NCSTN: variants seen among roughly 807,000 people sequenced by gnomAD.
The protein encoded by NCSTN is anterior pharynx-defective 2.
In NCSTN, 22 loss-of-function variants were observed where a neutral mutation model predicts 87.0. That is an observed-to-expected ratio of 0.25 (90% CI 0.18 to 0.36). The LOEUF is 0.36. Among genes scored for constraint, NCSTN ranks in the 10% least tolerant of loss-of-function variants. NCSTN has a pLI of 1.00. For missense variants in NCSTN, 693 were observed against 883.3 expected, an observed-to-expected ratio of 0.78 and a Z score of 2.73; for synonymous variants, 306 against 327.1, an observed-to-expected ratio of 0.94 and a Z score of 0.69.
In NCSTN at chr1:160,352,114, T is replaced by C; in HGVS notation, c.904T>C (p.Phe302Leu). Residue 302 changes from phenylalanine (F) to leucine (L), a missense_variant, in exon 8 of 17, where the codon TTT (phenylalanine) becomes CTT (leucine). Transcript: ENST00000294785. ...AGGGGCTGAAAGCGCAGTGGCTTCC[T>C]TTGTCACCCAGCTGGCTGCTGCTGA... ...APGAESAVAS[F>L]VTQLAAAEAL... is the part of the protein sequence containing the mutation. 1.9e-6 allele frequency: 3 copies of C among 1,614,232 alleles called. No homozygotes were observed. Among genetic ancestry groups the C allele is most frequent in the Non-Finnish European group, 2.5e-6 (3 of 1,180,028 alleles).
chr1:160,358,060 C>G (rs1649224121), intron 16 of NCSTN, 89 bp from the exon 17 acceptor site: 1 of 1,571,504 alleles, frequency 6.4e-7, no homozygotes, highest in Admixed American at 1.7e-5. Flanking sequence ...TCCGAATTCC[C>G]ATGGCTCCAA....
chr1:160,353,315 AC>A (rs1195224381), intron 10 of NCSTN, 78 bp downstream of exon 10: 1 of 1,606,650 alleles, frequency 6.2e-7, no homozygotes, highest in African/African-American at 1.3e-5. Flanking sequence ...GTTTCCACCA[AC>A]CCCCAGGGCC....
In NCSTN at chr1:160,349,560, A is replaced by G. The variant is rs764815593; in HGVS notation, c.326A>G (p.Glu109Gly). The change falls in exon 4 of 17, where the codon GAG becomes GGG. Residue 109 changes from glutamate (E) to glycine (G), a missense_variant. This residue lies in a region of NCSTN where 235 missense variants were observed against 233.9 expected (regional missense o/e 1.00). Transcript: ENST00000294785. ...ESKHFTRDLM[E>G]KLKGRTSRIA... ...CTTTCCTATTCCAGGGATTTAATGG[A>G]GAAGCTGAAAGGGAGAACCAGCCGA... 5.0e-6 allele frequency: 8 copies of G among 1,614,000 alleles called. No homozygotes were observed. Among genetic ancestry groups the G allele is most frequent in the Non-Finnish European group, 5.9e-6 (7 of 1,180,030 alleles).
chr1:160,350,294 A>G (rs781073176), intron 5 of NCSTN, 44 bp downstream of exon 5: 1 of 1,608,142 alleles, frequency 6.2e-7, no homozygotes, highest in African/African-American at 1.3e-5. Flanking sequence ...TAGAAAGAAG[A>G]TTATTTTTCT....
chr1:160,352,862 C>T, intron 8 of NCSTN, 25 bp from the exon 9 acceptor site: 1 of 1,581,786 alleles, frequency 6.3e-7, no homozygotes, highest in East Asian at 2.2e-5. Context: ...CTCTGTTCCC[C>T]CTCCCACCTA....
At chr1:160,348,970 C>T (rs1557884061) in intron 2 of NCSTN, 29 bp from the exon 3 acceptor site, 1 of 1,614,070 alleles carries the variant, frequency 6.2e-7, no homozygotes, top group Non-Finnish European at 8.5e-7. Flanking sequence ...ACTATGGGAG[C>T]TTTAATTTGA....
At chr1:160,356,048 C>A in intron 13 of NCSTN, 90 bp downstream of exon 13, 1 of 1,276,656 alleles carries the variant, frequency 7.8e-7, no homozygotes, top group Non-Finnish European at 1.1e-6. Flanking sequence ...CCTTGGAATT[C>A]CACATGACTG....
chr1:160,352,156 C>G lies in NCSTN; in HGVS notation c.946C>G (p.Pro316Ala), dbSNP rs772899960. Residue 316 changes from proline (P) to alanine (A), a missense_variant, in exon 8 of 17, where the codon CCT (proline) becomes GCT (alanine). Physicochemically the swap from Pro to Ala is conservative, Grantham distance 27. Coordinates refer to ENST00000294785, the MANE Select transcript of NCSTN (RefSeq NM_015331.3). Reference protein sequence around the residue: ...LAAAEALQKAPDVTTLPRNVM... With the variant: ...LAAAEALQKAADVTTLPRNVM... ...TGCTGCTGAAGCTTTGCAAAAGGCA[C>G]CTGATGTGACCACCCTGCCCCGCAA... The G allele has an allele frequency of 6.2e-7, 1 of 1,614,206 alleles. No homozygotes were observed. Among genetic ancestry groups the G allele is most frequent in the East Asian group, 2.2e-5 (1 of 44,888 alleles).
Position 160,349,021 on chromosome 1 carries a change from G to C in NCSTN, c.213G>C (p.Gly71=). Residue 71 remains glycine, a synonymous_variant, in exon 3 of 17, where the codon GGG becomes GGC. Coordinates refer to ENST00000294785, the MANE Select transcript of NCSTN (RefSeq NM_015331.3). ...GCQSSISGDT[G]VIHVVEKEED... is the part of the protein sequence containing the mutation. ...CAGCTTCAATTAGTGGAGACACAGG[G>C]GTTATCCACGTAGTAGAGAAAGAGG... is the stretch of plus-strand genomic sequence containing the variant. The C allele has an allele frequency of 6.2e-7, 1 of 1,614,190 alleles. No homozygotes were observed.
intron 8 of NCSTN, among the ~76,000 whole-genome samples, chr1:160,352,602 A>C (rs1278269541): frequency 6.6e-6 from 1 of 152,152 alleles, no homozygotes; most frequent in Non-Finnish European, 1.5e-5. Context: ...GAGGTGGGGG[A>C]CCGTTAAGAA....
chr1:160,356,493 G>A, intron 14 of NCSTN, 107 bp from the exon 15 acceptor site: 1 of 1,484,246 alleles, frequency 6.7e-7, no homozygotes, highest in Non-Finnish European at 9.4e-7. Context: ...ATATTTGATG[G>A]ATCCTTTTCC....
chr1:160,343,396 G>A lies in NCSTN; in HGVS notation c.-1G>A. 1 of 1,613,182 alleles carries A rather than the reference G, an allele frequency of 6.2e-7. No homozygotes were observed. The highest frequency in any genetic ancestry group is 8.5e-7 in the Non-Finnish European group (1 of 1,179,756). ...GGGCTTCCGCTCAGCAGAGAGGCAAGATGGCTACGGCAGGGGGTGGCTCTG... is the reference window on the plus strand; with the variant it reads ...GGGCTTCCGCTCAGCAGAGAGGCAAAATGGCTACGGCAGGGGGTGGCTCTG... On this transcript the variant is annotated 5_prime_UTR_variant, in exon 1 of 17. Transcript: ENST00000294785.
Position 160,358,397 on chromosome 1 carries a change from A to G in NCSTN, c.*126A>G. 7.8e-7 allele frequency: 1 copy of G among 1,279,088 alleles called. No individual in the cohort carries two copies. The highest frequency in any genetic ancestry group is 1.1e-6 in the Non-Finnish European group (1 of 894,468). The allele number at this position is 1,279,088 out of a possible 1,614,324, so 79.2% of individuals were successfully genotyped here. A position where few individuals can be genotyped will look rare whatever the true frequency, so the allele number is the denominator to read the frequency against. On this transcript the variant is annotated 3_prime_UTR_variant, in exon 17 of 17. Transcript: ENST00000294785. Reference sequence around the variant, plus strand: ...CTGTCTCAGATTGGGATTAACATAAAAGAGTGGAACTATCCAAAAGAGACA... The same window carrying G: ...CTGTCTCAGATTGGGATTAACATAAGAGAGTGGAACTATCCAAAAGAGACA...
chr1:160,343,530 A>G (rs770813563), intron 1 of NCSTN, 49 bp downstream of exon 1: 1 of 1,529,626 alleles, frequency 6.5e-7, no homozygotes, highest in South Asian at 1.2e-5. Context: ...GAACTCTCGG[A>G]TCGGCCCCGC....
rs2101910593 is a variant in NCSTN at position 160,357,091 on chromosome 1, C to T, written c.1845C>T (p.Asp615=). 1 of 1,614,046 alleles carries T rather than the reference C, an allele frequency of 6.2e-7. No individual in the cohort carries two copies. The highest frequency in any genetic ancestry group is 8.5e-7 in the Non-Finnish European group (1 of 1,179,988). The change falls in exon 16 of 17, where the codon GAC becomes GAT. Residue 615 remains aspartate (D), a synonymous_variant. Transcript: ENST00000294785. ...GCCCTTTGCATTCTAATGAGACGGA[C>T]CGACTCCCCCGGTGTGTGCGTTCTA... ...VQGPLHSNET[D]RLPRCVRSTA...
chr1:160,349,920 G>C (rs1340717772), intron 4 of NCSTN, among the ~76,000 whole-genome samples, 185 bp from the exon 5 acceptor site: 1 of 152,102 alleles, frequency 6.6e-6, no homozygotes, highest in African/African-American at 2.4e-5. Context: ...TACAGCCTAA[G>C]ACTCCCTGAT....
At position 160,355,965 on chromosome 1, in the gene NCSTN, A is replaced by G; in HGVS notation, c.1551+7A>G. 1 of 1,606,746 alleles carries G rather than the reference A, an allele frequency of 6.2e-7. No homozygotes were observed. The highest frequency in any genetic ancestry group is 8.5e-7 in the Non-Finnish European group (1 of 1,173,542). ...TCAGGCTGATCCCCAAACGGTAAGC[A>G]GATGGGCCCTAGCTCCTTCTTTCTA... On this transcript the variant is annotated splice_region_variant and intron_variant, in intron 13 of 16. Transcript: ENST00000294785.
At chr1:160,351,939 C>T in intron 7 of NCSTN, 115 bp from the exon 8 acceptor site, 1 of 1,498,262 alleles carries the variant, frequency 6.7e-7, no homozygotes. Context: ...CTGTGGGACT[C>T]CTGGGTTGTC....
intron 2 of NCSTN, among the ~76,000 whole-genome samples, chr1:160,347,467 T>A (rs1648560881): frequency 6.6e-6 from 1 of 152,168 alleles, no homozygotes; most frequent in South Asian, 2.1e-4. Context: ...TGAATAGAGG[T>A]AGAAAACCTC....
Sources: gnomAD v4.1 joint callset for allele counts (sites outside exome capture counted in the v4.1 genomes callset) on GRCh38, gnomAD v4.1.1 for gene constraint, gnomAD v4.1.1 regional missense constraint, MANE v1.5 for transcripts, NCBI Gene and HGNC (gene_info 2026-07-23, HGNC 2026-07-21) for gene names.